Variants in CYTH1 observed in about 807,000 individuals in gnomAD.
The protein encoded by CYTH1 is cytohesin-1.
CYTH1 carries 18 observed loss-of-function variants against 61.8 expected under a neutral mutation model. That is an observed-to-expected ratio of 0.29 (90% CI 0.20 to 0.43). CYTH1 has a LOEUF of 0.43. Among genes scored for constraint, CYTH1 ranks in the 20% least tolerant of loss-of-function variants. The pLI, the probability that CYTH1 is intolerant of heterozygous loss-of-function variation, is 1.00. For synonymous variants in CYTH1, 174 were observed against 184.3 expected (o/e 0.94, Z 0.45); for missense variants, 336 against 510.5 (o/e 0.66, Z 3.29).
chr17:78,721,467 A>G (rs1455059143), intron 1 of CYTH1, among the ~76,000 whole-genome samples: 1 of 152,272 alleles, frequency 6.6e-6, no homozygotes, highest in Non-Finnish European at 1.5e-5. Flanking sequence ...TATTTAGACT[A>G]TTCTAATTTA....
chr17:78,696,373 A>C (rs1243924328), intron 9 of CYTH1, among the ~76,000 whole-genome samples: 1 of 152,270 alleles, frequency 6.6e-6, no homozygotes, highest in Admixed American at 6.5e-5. Context: ...TTCAGGGAAA[A>C]TTAAATGTCT....
At position 78,680,951 on chromosome 17, in the gene CYTH1, A is replaced by G. The variant is rs374357816; in HGVS notation, c.963+20T>C. On this transcript the variant is annotated intron_variant, in intron 12 of 13. Transcript: ENST00000446868. ...CCCATCCCCTTTCTCCCCTCAAAAT[A>G]TCTCAGCAAAAATACTCACTGGTTT... 6 of 1,613,254 alleles carry G rather than the reference A, an allele frequency of 3.7e-6. No homozygotes were observed. The African/African-American group carries it at 4.0e-5, about 11-fold the overall frequency.
Position 78,711,308 on chromosome 17 carries a change from T to C in CYTH1, c.23-1576A>G, listed in dbSNP as rs527884588. ...AATAAATAAATAAATAAATAATATA[T>C]ATATATACACACACACACACACACA... On this transcript the variant is annotated intron_variant, in intron 1 of 13. Coordinates refer to ENST00000446868, the MANE Select transcript of CYTH1 (RefSeq NM_004762.6). 4.3e-3 allele frequency among the ~76,000 whole-genome samples: 593 copies of C among 138,976 alleles called. 5 individuals carry two copies. The highest frequency in any genetic ancestry group is 0.017 in the African/African-American group (555 of 32,820). The allele number at this position is 138,976 out of a possible 152,430, so 91.2% of individuals were successfully genotyped here.
chr17:78,779,623 C>T (rs2033473496), intron 1 of CYTH1, among the ~76,000 whole-genome samples: 1 of 152,074 alleles, frequency 6.6e-6, no homozygotes, highest in Admixed American at 6.6e-5. Flanking sequence ...CCACTATAAT[C>T]ACAAGGATCT....
intron 1 of CYTH1, chr17:78,716,987 C>G (rs1170439903): frequency 6.6e-6 from 1 of 152,252 alleles, no homozygotes; most frequent in Non-Finnish European, 1.5e-5. Flanking sequence ...CCCGTCTATT[C>G]ATGCCGCTTC....
chr17:78,778,360 G>A (rs1371119832), intron 1 of CYTH1, among the ~76,000 whole-genome samples: 1 of 150,074 alleles, frequency 6.7e-6, no homozygotes, highest in Non-Finnish European at 1.5e-5. Flanking sequence ...ATTTAGGGCC[G>A]GGCGTGGTGG....
At chr17:78,770,773 T>C (rs1391273064) in intron 1 of CYTH1, among the ~76,000 whole-genome samples, 2 of 152,032 alleles carry the variant, frequency 1.3e-5, no homozygotes, top group Admixed American at 6.6e-5. Context: ...AATTACAACA[T>C]AGATTTAACA....
intron 1 of CYTH1, among the ~76,000 whole-genome samples, chr17:78,756,117 C>T (rs2093400158): frequency 6.7e-6 from 1 of 149,818 alleles, no homozygotes; most frequent in Non-Finnish European, 1.5e-5. Context: ...GCTGTGTCAC[C>T]TAGGCTGGAG....
chr17:78,695,650 G>A (rs1277210371), intron 10 of CYTH1, among the ~76,000 whole-genome samples: 1 of 152,100 alleles, frequency 6.6e-6, no homozygotes, highest in Admixed American at 6.6e-5. Context: ...TTTCAATCAG[G>A]CTGATTAATG....
intron 1 of CYTH1, among the ~76,000 whole-genome samples, chr17:78,766,701 GA>G (rs1447438475): frequency 6.6e-6 from 1 of 152,092 alleles, no homozygotes; most frequent in East Asian, 1.9e-4. Flanking sequence ...TCCACTCCCA[GA>G]AGAAAGAACG....
chr17:78,685,989 A>G (rs1485883379), intron 11 of CYTH1, among the ~76,000 whole-genome samples: 1 of 152,190 alleles, frequency 6.6e-6, no homozygotes, highest in African/African-American at 2.4e-5. Flanking sequence ...CCCTTTCTGT[A>G]ACAGTTTCCT....
At chr17:78,767,224 T>C (rs750141501) in intron 1 of CYTH1, among the ~76,000 whole-genome samples, 6 of 152,094 alleles carry the variant, frequency 3.9e-5, no homozygotes, top group Non-Finnish European at 7.4e-5. Flanking sequence ...TCCCAGCACT[T>C]TGGGAGTCCG....
intron 1 of CYTH1, among the ~76,000 whole-genome samples, chr17:78,774,457 G>A (rs774310186): frequency 1.3e-5 from 2 of 152,096 alleles, no homozygotes; most frequent in South Asian, 4.1e-4. Flanking sequence ...GAAGTGTTCT[G>A]GTTTCTGTTT....
intron 11 of CYTH1, among the ~76,000 whole-genome samples, chr17:78,690,734 G>A (rs1035566114): frequency 6.6e-6 from 1 of 152,074 alleles, no homozygotes; most frequent in East Asian, 1.9e-4. Flanking sequence ...TATTTCCATT[G>A]CTTGATAAAA....
rs572680010 is a variant in CYTH1, at chr17:78,704,715, T to A, written c.171-2111A>T. 7.2e-5 allele frequency among the ~76,000 whole-genome samples: 11 copies of A among 152,230 alleles called. No homozygotes were observed. In the East Asian group the frequency reaches 2.1e-3, roughly 29 times the overall value. ...TTTAAAATATTTTGTAGAGACAGAG[T>A]CTTGCTATGTAACCCAGGCTGGTCT... On this transcript the variant is annotated intron_variant, in intron 3 of 13. Coordinates refer to ENST00000446868, the MANE Select transcript of CYTH1 (RefSeq NM_004762.6).
At position 78,689,478 on chromosome 17, in the gene CYTH1, G is replaced by A. The variant is rs981716546; in HGVS notation, c.891+2939C>T. Reference sequence around the variant, plus strand: ...GTTCGTGCTCCTATGAGAATCTAACGCCGCCACTGATCTGACAGGATGTGG... The same window carrying A: ...GTTCGTGCTCCTATGAGAATCTAACACCGCCACTGATCTGACAGGATGTGG... On this transcript the variant is annotated intron_variant, in intron 11 of 13. Transcript: ENST00000446868. 5.9e-5 allele frequency among the ~76,000 whole-genome samples: 9 copies of A among 152,126 alleles called. 1 individual carries two copies. Among genetic ancestry groups the A allele is most frequent in the South Asian group, 2.1e-4 (1 of 4,820 alleles).
chr17:78,727,980 C>A, intron 1 of CYTH1: 1 of 264,114 alleles, frequency 3.8e-6, no homozygotes, highest in Non-Finnish European at 7.8e-6. Flanking sequence ...CATGAGAGGG[C>A]AGTGAGTCCC....
chr17:78,736,749 T>C (rs150954037), intron 1 of CYTH1: 1 of 406,584 alleles, frequency 2.5e-6, no homozygotes, highest in Admixed American at 3.0e-5. Flanking sequence ...ACACGAAAAG[T>C]CCGTTCTGTG....
At chr17:78,731,485 C>A (rs771708493) in intron 1 of CYTH1, among the ~76,000 whole-genome samples, 4 of 152,102 alleles carry the variant, frequency 2.6e-5, no homozygotes, top group Admixed American at 6.5e-5. Flanking sequence ...TCTCGTCGGG[C>A]GCGGTGGTTC....
Sources: gnomAD v4.1 joint callset for allele counts (sites outside exome capture counted in the v4.1 genomes callset) on GRCh38, gnomAD v4.1.1 for gene constraint, MANE v1.5 for transcripts, NCBI Gene and HGNC (gene_info 2026-07-23, HGNC 2026-07-21) for gene names.